SPAG16: variants seen among roughly 807,000 people sequenced by gnomAD.
SPAG16 encodes sperm-associated antigen 16 protein.
SPAG16 carries 86 observed loss-of-function variants against 80.4 expected under a neutral mutation model. That is an observed-to-expected ratio of 1.07 (90% CI 0.90 to 1.28). The LOEUF is 1.28. SPAG16 is among the 50% of genes most tolerant of loss of function. The probability of loss-of-function intolerance (pLI) is 0.00; values close to 1 mark genes in which losing one functional copy is unlikely to be tolerated. For synonymous variants in SPAG16, 294 were observed against 265.9 expected (o/e 1.11, Z -1.03); for missense variants, 870 against 765.3 (o/e 1.14, Z -1.61).
At chr2:213,333,791 A>T (rs1031237571) in intron 5 of SPAG16, among the ~76,000 whole-genome samples, 25 of 152,272 alleles carry the variant, frequency 1.6e-4, no homozygotes, top group African/African-American at 6.0e-4. Context: ...GGAAAACTGG[A>T]TATCTATATG....
intron 10 of SPAG16, among the ~76,000 whole-genome samples, chr2:213,576,371 T>C (rs2060125767): frequency 6.6e-6 from 1 of 152,136 alleles, no homozygotes; most frequent in Non-Finnish European, 1.5e-5. Context: ...CCTCCAGCTT[T>C]GTTCTTTTTG....
intron 9 of SPAG16, among the ~76,000 whole-genome samples, chr2:213,391,225 G>A (rs1181221108): frequency 3.9e-5 from 6 of 152,052 alleles, no homozygotes; most frequent in African/African-American, 7.2e-5. Context: ...CTGAGATGGC[G>A]CCACTGCACT....
intron 10 of SPAG16, among the ~76,000 whole-genome samples, chr2:213,758,489 C>A (rs1211479994): frequency 2.0e-5 from 3 of 151,712 alleles, no homozygotes; most frequent in Admixed American, 1.3e-4. Context: ...GAAAAAAATT[C>A]AATGGATAGG....
chr2:213,390,906 A>G (rs1230205826), intron 9 of SPAG16, among the ~76,000 whole-genome samples: 5 of 152,190 alleles, frequency 3.3e-5, no homozygotes, highest in Non-Finnish European at 5.9e-5. Flanking sequence ...CTCATAAGGT[A>G]TGAATGAGTT....
chr2:213,877,759 G>A (rs1386800716), intron 11 of SPAG16, among the ~76,000 whole-genome samples: 2 of 151,922 alleles, frequency 1.3e-5, no homozygotes, highest in Admixed American at 6.6e-5. Flanking sequence ...TGGTCTAGTT[G>A]CCATTTTAGG....
intron 13 of SPAG16, among the ~76,000 whole-genome samples, chr2:214,067,425 A>G (rs2050581893): frequency 6.6e-6 from 1 of 152,128 alleles, no homozygotes; most frequent in Non-Finnish European, 1.5e-5. Context: ...GGCAGTTTTG[A>G]TTAGATTTGG....
intron 11 of SPAG16, among the ~76,000 whole-genome samples, chr2:213,871,528 A>C (rs1202915697): frequency 6.6e-6 from 1 of 151,958 alleles, no homozygotes; most frequent in African/African-American, 2.4e-5. Context: ...GGACACATAC[A>C]TGCAAGCGGA....
At chr2:214,334,201 C>A (rs1421105392) in intron 15 of SPAG16, among the ~76,000 whole-genome samples, 1 of 152,206 alleles carries the variant, frequency 6.6e-6, no homozygotes, top group African/African-American at 2.4e-5. Context: ...AGGTTGATCA[C>A]GCTCTGATTT....
chr2:214,194,217 A>T (rs2125703899), intron 15 of SPAG16, among the ~76,000 whole-genome samples: 1 of 152,204 alleles, frequency 6.6e-6, no homozygotes, highest in African/African-American at 2.4e-5. Context: ...ATGAAAATTC[A>T]CTTCAGTCTT....
intron 10 of SPAG16, among the ~76,000 whole-genome samples, chr2:213,698,458 C>T (rs1000193612): frequency 2.0e-5 from 3 of 152,076 alleles, no homozygotes; most frequent in African/African-American, 7.2e-5. Context: ...GATGAGGTCT[C>T]ACCATGTTGC....
At chr2:214,233,227 T>C (rs565718730) in intron 15 of SPAG16, among the ~76,000 whole-genome samples, 1 of 152,098 alleles carries the variant, frequency 6.6e-6, no homozygotes, top group African/African-American at 2.4e-5. Context: ...TCTGGGGTGT[T>C]GGCAATAGTC....
intron 15 of SPAG16, among the ~76,000 whole-genome samples, chr2:214,174,079 A>C (rs1000587358): frequency 1.3e-5 from 2 of 152,184 alleles, no homozygotes; most frequent in South Asian, 4.2e-4. Flanking sequence ...CGTATCTCAA[A>C]ATAATAAGAG....
intron 9 of SPAG16, among the ~76,000 whole-genome samples, chr2:213,442,268 A>T (rs908917164): frequency 6.6e-6 from 1 of 152,268 alleles, no homozygotes; most frequent in Admixed American, 6.5e-5. Flanking sequence ...GATGAAAGAA[A>T]TCAAAGAACT....
At chr2:213,835,425 A>G (rs2074020802) in intron 10 of SPAG16, among the ~76,000 whole-genome samples, 1 of 152,210 alleles carries the variant, frequency 6.6e-6, no homozygotes, top group Non-Finnish European at 1.5e-5. Context: ...TGAGTGGAAT[A>G]GAGCTTCAAG....
chr2:213,328,001 A>G (rs1035931915), intron 5 of SPAG16, among the ~76,000 whole-genome samples: 1 of 152,118 alleles, frequency 6.6e-6, no homozygotes, highest in African/African-American at 2.4e-5. Context: ...TCCATTTTGG[A>G]GGTGCTAAAT....
At chr2:213,454,063 T>G (rs1236135964) in intron 9 of SPAG16, among the ~76,000 whole-genome samples, 1 of 152,194 alleles carries the variant, frequency 6.6e-6, no homozygotes, top group Non-Finnish European at 1.5e-5. Flanking sequence ...ATGAAAGTAG[T>G]GTACATGGAC....
intron 9 of SPAG16, among the ~76,000 whole-genome samples, chr2:213,427,582 A>G (rs1290639885): frequency 6.6e-6 from 1 of 152,204 alleles, no homozygotes; most frequent in Non-Finnish European, 1.5e-5. Flanking sequence ...AGTCGAGTTT[A>G]CATGCAGGGT....
chr2:214,302,001 T>G (rs919149390), intron 15 of SPAG16, among the ~76,000 whole-genome samples: 3 of 152,148 alleles, frequency 2.0e-5, no homozygotes, highest in Non-Finnish European at 4.4e-5. Flanking sequence ...ATTGAATTTT[T>G]TTTTTATTTC....
chr2:214,096,429 G>C (rs2052595637), intron 13 of SPAG16, among the ~76,000 whole-genome samples: 1 of 152,030 alleles, frequency 6.6e-6, no homozygotes, highest in African/African-American at 2.4e-5. Flanking sequence ...GGAATCCCCA[G>C]AGGGTTTGCT....
Sources: allele counts gnomAD v4.1 joint callset (sites outside exome capture counted in the v4.1 genomes callset), GRCh38; gene constraint gnomAD v4.1.1; transcripts MANE v1.5; gene names NCBI Gene and HGNC (gene_info 2026-07-23, HGNC 2026-07-21).